ZNF790: variants seen among roughly 807,000 people sequenced by gnomAD.
ZNF790 encodes zinc finger protein 790.
A neutral mutation model predicts 12.1 loss-of-function variants in ZNF790; 8 were observed. The observed-to-expected ratio is 0.66, with a 90% CI of 0.39 to 1.19. ZNF790 has a LOEUF of 1.19. Ranked by LOEUF, ZNF790 falls within the 50% of genes most tolerant of loss-of-function variation. ZNF790 has a pLI of 0.01. For synonymous variants in ZNF790, 252 were observed against 244.3 expected (o/e 1.03, Z -0.29); for missense variants, 707 against 752.2 (o/e 0.94, Z 0.70).
intron 1 of ZNF790, among the ~76,000 whole-genome samples, chr19:36,833,802 A>G (rs907636862): frequency 8.5e-5 from 13 of 152,226 alleles, no homozygotes; most frequent in African/African-American, 3.1e-4. Flanking sequence ...ATATACCTAC[A>G]TGTGACAGAT....
At chr19:36,846,551 G>A (rs1453343281) in intron 1 of ZNF790, among the ~76,000 whole-genome samples, 2 of 151,796 alleles carry the variant, frequency 1.3e-5, no homozygotes, top group Non-Finnish European at 2.9e-5. Context: ...GCGACAGAGC[G>A]AGACTCCGTC....
chr19:36,819,083 G>A lies in ZNF790; in HGVS notation c.1261C>T (p.Pro421Ser). ...TTCCCGCATTGCTTACATTCATAAGGTTTCCTGCCAGTATGAATTCGCTGA... is the reference window on the plus strand; with the variant it reads ...TTCCCGCATTGCTTACATTCATAAGATTTCCTGCCAGTATGAATTCGCTGA... Reference protein sequence around the residue: ...RHQRIHTGRKPYECKQCGKTF... With the variant: ...RHQRIHTGRKSYECKQCGKTF... The change falls in exon 5 of 5, where the codon CCT becomes TCT. Residue 421 changes from proline (P) to serine (S), a missense_variant. Physicochemically the swap from Pro to Ser is moderately conservative, Grantham distance 74 (BLOSUM62 -1). Coordinates refer to ENST00000356725, the MANE Select transcript of ZNF790 (RefSeq NM_206894.4). 6.2e-7 allele frequency: 1 copy of A among 1,613,862 alleles called. No individual in the cohort carries two copies. The highest frequency in any genetic ancestry group is 8.5e-7 in the Non-Finnish European group (1 of 1,179,876).
In ZNF790 at chr19:36,818,559, C is replaced by T. The variant is rs536035380; in HGVS notation, c.1785G>A (p.Gly595=). The part of the protein sequence containing the change: ...SANLCEWTDY[G]NTFSHESNFA... ...AGTTTGACTCATGACTAAAGGTGTTCCCATAGTCTGTCCATTCACAGAGAT... is the reference window on the plus strand; with the variant it reads ...AGTTTGACTCATGACTAAAGGTGTTTCCATAGTCTGTCCATTCACAGAGAT... Residue 595 remains glycine, a synonymous_variant, in exon 5 of 5, where the codon GGG becomes GGA. Coordinates refer to ENST00000356725, the MANE Select transcript of ZNF790 (RefSeq NM_206894.4). 2.6e-4 allele frequency: 412 copies of T among 1,609,484 alleles called. 2 individuals carry two copies. In the South Asian group the frequency reaches 4.2e-3, roughly 17 times the overall value.
intron 1 of ZNF790, among the ~76,000 whole-genome samples, chr19:36,826,418 A>C (rs1001633445): frequency 3.9e-5 from 6 of 151,926 alleles, no homozygotes; most frequent in African/African-American, 1.5e-4. Context: ...CCCCGTCTCT[A>C]CTAAAAATAC....
At position 36,818,692 on chromosome 19, in the gene ZNF790, C is replaced by T. The variant is rs528317660; in HGVS notation, c.1652G>A (p.Arg551Gln). The change falls in exon 5 of 5, where the codon CGA becomes CAA. Residue 551 changes from arginine to glutamine, a missense_variant. Transcript: ENST00000356725. ...KSFIWGSQLT[R>Q]HKKIHTDAEP... ...TGCATCAGTATGAATTTTCTTATGT[C>T]GTGTAAGCTGTGAACCCCAGATAAA... 16 of 1,613,624 alleles carry T rather than the reference C, an allele frequency of 9.9e-6. No homozygotes were observed. Among genetic ancestry groups the T allele is most frequent in the African/African-American group, 4.0e-5 (3 of 74,992 alleles).
In ZNF790 at chr19:36,818,289, CTG is replaced by C. The variant is rs1456400938; in HGVS notation, c.*142_*143del. ...TTGCATGATGAATTCTCTGCTGCTG[CTG>C]CTGCTGCTGCTGCTGGATGTGTGCT... On this transcript the variant is annotated 3_prime_UTR_variant, in exon 5 of 5. Transcript: ENST00000356725. 6.2e-5 allele frequency: 41 copies of C among 666,206 alleles called. 1 individual carries two copies. The highest frequency in any genetic ancestry group is 8.8e-5 in the Non-Finnish European group (38 of 431,310). The allele number at this position is 666,206 out of a possible 1,614,324, so 41.3% of individuals were successfully genotyped here. A position where few individuals can be genotyped will look rare whatever the true frequency, so the allele number is the denominator to read the frequency against.
At chr19:36,832,287 C>A (rs768576259) in intron 1 of ZNF790, among the ~76,000 whole-genome samples, 3 of 152,144 alleles carry the variant, frequency 2.0e-5, no homozygotes, top group Non-Finnish European at 4.4e-5. Context: ...TAGCCAGCAT[C>A]CTGGATGGCC....
Position 36,818,657 on chromosome 19 carries a change from C to T in ZNF790, c.1687G>A (p.Gly563Arg). ...KKIHTDAEPYGCKKSSHIFSH... is the reference protein window; with the variant it reads ...KKIHTDAEPYRCKKSSHIFSH... ...AAGATGTGGCTACTTTTCTTGCATCCATAAGGTTCTGCATCAGTATGAATT... is the reference window on the plus strand; with the variant it reads ...AAGATGTGGCTACTTTTCTTGCATCTATAAGGTTCTGCATCAGTATGAATT... The change falls in exon 5 of 5, where the codon GGA (glycine) becomes AGA (arginine). Residue 563 changes from glycine (G) to arginine (R), a missense_variant. Coordinates refer to ENST00000356725, the MANE Select transcript of ZNF790 (RefSeq NM_206894.4). 1.9e-6 allele frequency: 3 copies of T among 1,612,576 alleles called. No individual in the cohort carries two copies. Among genetic ancestry groups the T allele is most frequent in the Admixed American group, 3.4e-5 (2 of 59,572 alleles).
chr19:36,823,816 T>C (rs989619148), intron 2 of ZNF790, 26 bp from the exon 3 acceptor site: 23 of 1,576,928 alleles, frequency 1.5e-5, no homozygotes, highest in Non-Finnish European at 2.0e-5. Flanking sequence ...ATTCCAAGTA[T>C]TAATGGTGAA....
intron 1 of ZNF790, among the ~76,000 whole-genome samples, chr19:36,845,570 A>G (rs1328903995): frequency 6.6e-6 from 1 of 152,208 alleles, no homozygotes; most frequent in Admixed American, 6.5e-5. Flanking sequence ...GGATGGAGGT[A>G]AATGGAGTTA....
chr19:36,833,119 T>C (rs1800630311), intron 1 of ZNF790, among the ~76,000 whole-genome samples: 1 of 152,086 alleles, frequency 6.6e-6, no homozygotes, highest in Admixed American at 6.5e-5. Context: ...AATCTAACAA[T>C]ATATGTAACA....
At chr19:36,830,520 T>C (rs2071926212) in intron 1 of ZNF790, among the ~76,000 whole-genome samples, 1 of 152,198 alleles carries the variant, frequency 6.6e-6, no homozygotes, top group South Asian at 2.1e-4. Flanking sequence ...AATACTGGCC[T>C]CATAAAATGA....
rs748196548 is a variant in ZNF790 at position 36,819,405 on chromosome 19, A to G, written c.939T>C (p.Asn313=). Residue 313 remains asparagine, a synonymous_variant, in exon 5 of 5, where the codon AAT becomes AAC. Coordinates refer to ENST00000356725, the MANE Select transcript of ZNF790 (RefSeq NM_206894.4). The part of the protein sequence containing the change: ...IHTGEKPYEC[N]ECRKAFSQRS... ...GCTGACTAAAGGCCTTTCTACATTC[A>G]TTACATTCATAGGGTTTTTCACCAG... The G allele has an allele frequency of 5.0e-6, 8 of 1,611,036 alleles. No homozygotes were observed. In the South Asian group the frequency reaches 6.6e-5, roughly 13 times the overall value.
chr19:36,848,718 G>A (rs2072205321), intron 1 of ZNF790, among the ~76,000 whole-genome samples: 1 of 152,164 alleles, frequency 6.6e-6, no homozygotes, highest in African/African-American at 2.4e-5. Flanking sequence ...GGAGAAGACA[G>A]AAGGAAGAAG....
In ZNF790 at chr19:36,830,714, C is replaced by CA. The variant is rs987835365; in HGVS notation, c.-73-5023dup. On this transcript the variant is annotated intron_variant, in intron 1 of 4. Transcript: ENST00000356725. ...GGTAACAGAGGAAGAAACCCTTGAG[C>CA]AAAAAAACCTTAAAAACTACCCTTG... Among the ~76,000 whole-genome samples the CA allele has an allele frequency of 2.0e-5, 3 of 152,202 alleles. 1 individual carries two copies. Among genetic ancestry groups the CA allele is most frequent in the South Asian group, 4.2e-4 (2 of 4,814 alleles).
intron 4 of ZNF790, among the ~76,000 whole-genome samples, chr19:36,821,573 TTTTA>T (rs535632117): frequency 1.1e-4 from 16 of 151,866 alleles, no homozygotes; most frequent in African/African-American, 3.9e-4. Context: ...GAGTTTGTCT[TTTTA>T]TTTATTTATT....
At chr19:36,850,792 T>C (rs561386221), upstream of ZNF790, 52 of 152,324 alleles carry the variant, frequency 3.4e-4, no homozygotes, top group Admixed American at 3.1e-3. Context: ...CTTTCTGGAC[T>C]ACACTTCCCA....
chr19:36,818,790 A>G lies in ZNF790; in HGVS notation c.1554T>C (p.Gly518=). The G allele has an allele frequency of 1.2e-6, 2 of 1,609,838 alleles. No individual in the cohort carries two copies. The highest frequency in any genetic ancestry group is 1.7e-6 in the Non-Finnish European group (2 of 1,178,166). The change falls in exon 5 of 5, where the codon GGT becomes GGC. Residue 518 remains glycine, a synonymous_variant. Coordinates refer to ENST00000356725, the MANE Select transcript of ZNF790 (RefSeq NM_206894.4). The stretch of plus-strand genomic sequence containing the variant: ...TTCTCTGATGTCGAGTAAGTTGTGA[A>G]CCCCAGAGAAAGGCTTTTCCACATT... ...CEECGKAFLW[G]SQLTRHQRMH...
At chr19:36,845,827 A>G (rs1293384109) in intron 1 of ZNF790, among the ~76,000 whole-genome samples, 1 of 150,404 alleles carries the variant, frequency 6.6e-6, no homozygotes, top group African/African-American at 2.5e-5. Context: ...GGGTGGTGGG[A>G]GACGGAGTTT....
Sources: allele counts gnomAD v4.1 joint callset (sites outside exome capture counted in the v4.1 genomes callset), GRCh38; gene constraint gnomAD v4.1.1; transcripts MANE v1.5; gene names NCBI Gene and HGNC (gene_info 2026-07-23, HGNC 2026-07-21).